Variants in GHR observed in about 807,000 individuals in gnomAD.
The protein encoded by GHR is GH receptor.
Under a neutral mutation model 67.1 loss-of-function variants are expected in GHR, and 35 were observed. The observed-to-expected ratio is 0.52, with a 90% CI of 0.40 to 0.69. GHR has a LOEUF of 0.69. Ranked by LOEUF, GHR falls within the 30% of genes least tolerant of loss-of-function variation. The pLI is 0.00. For synonymous variants in GHR, 272 were observed against 269.1 expected (o/e 1.01, Z -0.10); for missense variants, 792 against 764.6 (o/e 1.04, Z -0.42).
chr5:42,647,344 G>A (rs1218126254), intron 3 of GHR, among the ~76,000 whole-genome samples: 3 of 152,070 alleles, frequency 2.0e-5, no homozygotes, highest in African/African-American at 7.2e-5. Context: ...GGAGGCCGAG[G>A]CGGGTGGATC....
intron 3 of GHR, among the ~76,000 whole-genome samples, chr5:42,647,467 T>C (rs1332935016): frequency 2.0e-5 from 3 of 150,958 alleles, no homozygotes; most frequent in Non-Finnish European, 4.4e-5. Flanking sequence ...CCAGCTACTC[T>C]GGAGGCTGAG....
At position 42,431,776 on chromosome 5, in the gene GHR, A is replaced by C. The variant is rs191735182; in HGVS notation, c.-12+7821A>C. Among the ~76,000 whole-genome samples, 16 of 152,322 alleles carry C rather than the reference A, an allele frequency of 1.1e-4. No individual in the cohort carries two copies. The East Asian group carries it at 1.7e-3, about 17-fold the overall frequency. On this transcript the variant is annotated intron_variant, in intron 1 of 9. Transcript: ENST00000230882. ...CCAGCTGGCTGGCTTCTAAGTAAAA[A>C]GGGGTATCCTAGGGAAGAAGTGCAC...
chr5:42,548,324 C>T, intron 1 of GHR: 1 of 985,108 alleles, frequency 1.0e-6, no homozygotes, highest in Non-Finnish European at 1.2e-6. Context: ...GAGATTAATA[C>T]ATGCCAAGTG....
chr5:42,525,564 A>G (rs1747671020), intron 1 of GHR, among the ~76,000 whole-genome samples: 1 of 152,104 alleles, frequency 6.6e-6, no homozygotes, highest in East Asian at 1.9e-4. Flanking sequence ...ATGAATTAAG[A>G]CTTTGGGGGA....
At chr5:42,683,027 G>C (rs374616072) in intron 3 of GHR, among the ~76,000 whole-genome samples, 1 of 151,810 alleles carries the variant, frequency 6.6e-6, no homozygotes, top group East Asian at 1.9e-4. Flanking sequence ...TTTTGAGATG[G>C]AGTCTTGCTC....
At chr5:42,495,512 G>C (rs1278870286) in intron 1 of GHR, among the ~76,000 whole-genome samples, 1 of 151,896 alleles carries the variant, frequency 6.6e-6, no homozygotes, top group Non-Finnish European at 1.5e-5. Flanking sequence ...TATTCATCCT[G>C]TATTAGTTCA....
chr5:42,624,339 C>T (rs1424040687), intron 2 of GHR, among the ~76,000 whole-genome samples: 3 of 152,134 alleles, frequency 2.0e-5, no homozygotes, highest in Non-Finnish European at 4.4e-5. Context: ...TTTCTGCCAT[C>T]GTGGAAAAAT....
intron 2 of GHR, among the ~76,000 whole-genome samples, chr5:42,587,935 A>G (rs1465083711): frequency 6.6e-6 from 1 of 152,134 alleles, no homozygotes. Flanking sequence ...AGGAAGGGTA[A>G]CCCATTGACT....
At chr5:42,442,965 C>A (rs1743641592) in intron 1 of GHR, among the ~76,000 whole-genome samples, 1 of 152,114 alleles carries the variant, frequency 6.6e-6, no homozygotes, top group Admixed American at 6.5e-5. Context: ...AATTAAGCAC[C>A]AATTACCTAG....
intron 3 of GHR, among the ~76,000 whole-genome samples, chr5:42,645,364 G>A (rs1754677463): frequency 6.6e-6 from 1 of 152,116 alleles, no homozygotes; most frequent in African/African-American, 2.4e-5. Context: ...ACATTGCTAT[G>A]TCCCAATGGA....
At chr5:42,586,966 C>T (rs771479718) in intron 2 of GHR, among the ~76,000 whole-genome samples, 1 of 148,930 alleles carries the variant, frequency 6.7e-6, no homozygotes, top group African/African-American at 2.5e-5. Context: ...GAGAGTTGTT[C>T]AATATTTGAG....
chr5:42,661,336 G>C (rs113795549), intron 3 of GHR, among the ~76,000 whole-genome samples: 13,670 of 152,186 alleles, frequency 0.09, 765 homozygotes, highest in Middle Eastern at 0.15. Flanking sequence ...AGGAAAAAAT[G>C]TTCAGGGCAG....
rs1405022723 is a variant in GHR at position 42,474,923 on chromosome 5, G to A, written c.-12+50968G>A. ...TTTTTAAACAGAGTCTCGCTCTGTTGCCCAGGCTGGAGTGCAATGGTGCTA... is the reference window on the plus strand; with the variant it reads ...TTTTTAAACAGAGTCTCGCTCTGTTACCCAGGCTGGAGTGCAATGGTGCTA... On this transcript the variant is annotated intron_variant, in intron 1 of 9. Transcript: ENST00000230882. Among the ~76,000 whole-genome samples, 6 of 118,056 alleles carry A rather than the reference G, an allele frequency of 5.1e-5. No homozygotes were observed. In the South Asian group the frequency reaches 1.5e-3, roughly 30 times the overall value. 77.4% of individuals were successfully genotyped at this position (118,056 alleles called of 152,430 possible).
At chr5:42,433,205 T>G (rs1743170312) in intron 1 of GHR, among the ~76,000 whole-genome samples, 1 of 152,154 alleles carries the variant, frequency 6.6e-6, no homozygotes, top group African/African-American at 2.4e-5. Context: ...AGTATACTTA[T>G]TATGGAGCAT....
intron 1 of GHR, among the ~76,000 whole-genome samples, chr5:42,545,926 A>T (rs1748713083): frequency 1.3e-5 from 2 of 152,302 alleles, no homozygotes; most frequent in Admixed American, 6.5e-5. Context: ...TCTGACAAAG[A>T]TGTGCATTTA....
At chr5:42,686,624 A>G (rs1434888394) in intron 3 of GHR, among the ~76,000 whole-genome samples, 1 of 152,228 alleles carries the variant, frequency 6.6e-6, no homozygotes, top group African/African-American at 2.4e-5. Flanking sequence ...ACAAAATTCA[A>G]CAGCCTTTCA....
At chr5:42,429,504 A>G (rs34858949) in intron 1 of GHR, among the ~76,000 whole-genome samples, 1 of 152,234 alleles carries the variant, frequency 6.6e-6, no homozygotes. Flanking sequence ...TTTAATATTA[A>G]TGAAATTCTT....
At chr5:42,576,235 A>G (rs1036829177) in intron 2 of GHR, among the ~76,000 whole-genome samples, 2 of 151,962 alleles carry the variant, frequency 1.3e-5, no homozygotes, top group African/African-American at 2.4e-5. Context: ...AGTTTCTTAC[A>G]TTCTCTGAGC....
chr5:42,658,213 C>T (rs1252811660), intron 3 of GHR, among the ~76,000 whole-genome samples: 1 of 152,082 alleles, frequency 6.6e-6, no homozygotes, highest in African/African-American at 2.4e-5. Context: ...AAAAAGCAAC[C>T]TTACCATAAA....
Sources: allele counts gnomAD v4.1 joint callset (sites outside exome capture counted in the v4.1 genomes callset), GRCh38; gene constraint gnomAD v4.1.1; transcripts MANE v1.5; gene names NCBI Gene and HGNC (gene_info 2026-07-23, HGNC 2026-07-21).